GPM6B: variants seen among roughly 807,000 people sequenced by gnomAD.
The protein encoded by GPM6B is neuronal membrane glycoprotein M6-b.
A neutral mutation model predicts 27.2 loss-of-function variants in GPM6B; 4 were observed. That is an observed-to-expected ratio of 0.15 (90% CI 0.07 to 0.34). The LOEUF (loss-of-function observed/expected upper bound fraction) is 0.34. Among genes scored for constraint, GPM6B ranks in the 10% least tolerant of loss-of-function variants. The probability of loss-of-function intolerance (pLI) is 1.00; values close to 1 mark genes in which losing one functional copy is unlikely to be tolerated. For synonymous variants in GPM6B, 124 were observed against 103.1 expected (o/e 1.20, Z -1.23); for missense variants, 183 against 261.9 (o/e 0.70, Z 2.08).
chrX:13,875,588 T>C (rs1427992200), intron 1 of GPM6B, among the ~76,000 whole-genome samples: 3 of 112,045 alleles, frequency 2.7e-5, no homozygotes, highest in Non-Finnish European at 5.6e-5. Context: ...ACAGGAGCAC[T>C]CTTCACAATA....
chrX:13,799,069 C>T lies in GPM6B; in HGVS notation c.181+8581G>A, dbSNP rs984155420. The stretch of plus-strand genomic sequence containing the variant: ...GGCTTCGGAATTTTAAAAGACCTCC[C>T]CTTCCTTCCAGGGTTCTACTGTGAA... On this transcript the variant is annotated intron_variant, in intron 2 of 7. Coordinates refer to ENST00000316715, the MANE Select transcript of GPM6B (RefSeq NM_001001995.3). Among the ~76,000 whole-genome samples, 7 of 111,381 alleles carry T rather than the reference C, an allele frequency of 6.3e-5. No individual in the cohort carries two copies. The East Asian group carries it at 1.9e-3, about 31-fold the overall frequency.
intron 1 of GPM6B, among the ~76,000 whole-genome samples, chrX:13,875,174 T>C (rs973127486): frequency 1.8e-5 from 2 of 111,307 alleles, no homozygotes; most frequent in African/African-American, 6.5e-5. Flanking sequence ...AGTATCCATC[T>C]CCATCCTTGA....
chrX:13,799,822 G>C (rs867847374), intron 2 of GPM6B, among the ~76,000 whole-genome samples: 1 of 111,069 alleles, frequency 9.0e-6, no homozygotes, highest in South Asian at 3.9e-4. Flanking sequence ...GTGAGGCTTT[G>C]AGAAAGTGAA....
chrX:13,890,145 T>C (rs1265997993), intron 1 of GPM6B, among the ~76,000 whole-genome samples: 2 of 111,342 alleles, frequency 1.8e-5, no homozygotes, highest in African/African-American at 6.5e-5. Context: ...AAGACCTTGC[T>C]GATAAAACAG....
chrX:13,793,381 A>G (rs2048750254), intron 2 of GPM6B, among the ~76,000 whole-genome samples: 1 of 111,422 alleles, frequency 9.0e-6, no homozygotes, highest in African/African-American at 3.3e-5. Context: ...AAAAGGTATA[A>G]AAGTAAGCTG....
chrX:13,825,509 AGAG>A (rs1195431822), intron 1 of GPM6B, among the ~76,000 whole-genome samples: 3 of 112,471 alleles, frequency 2.7e-5, no homozygotes, highest in Admixed American at 9.4e-5. Context: ...GCCCTGTCAC[AGAG>A]GAGGAGGGAA....
chrX:13,911,676 T>C (rs1202817054), intron 1 of GPM6B, among the ~76,000 whole-genome samples: 2 of 112,056 alleles, frequency 1.8e-5, no homozygotes, highest in Non-Finnish European at 3.8e-5. Context: ...TCCACGATCA[T>C]GTAACAGCTC....
chrX:13,858,657 A>G lies in GPM6B; in HGVS notation c.-197-72849T>C, dbSNP rs1415854123. ...TTTAAGTATGTATTGTAACTGCCAC[A>G]TCTCTGCTCAAATTATTTCCAGAAA... On this transcript the variant is annotated intron_variant, in intron 1 of 6. Coordinates refer to the GPM6B transcript ENST00000398361. Among the ~76,000 whole-genome samples, 3 of 111,255 alleles carry G rather than the reference A, an allele frequency of 2.7e-5. No homozygotes were observed. In the South Asian group the frequency reaches 1.1e-3, roughly 43 times the overall value.
intron 1 of GPM6B, among the ~76,000 whole-genome samples, chrX:13,879,036 T>G (rs2050068761): frequency 8.9e-6 from 1 of 112,149 alleles, no homozygotes; most frequent in African/African-American, 3.2e-5. Flanking sequence ...TCCAGGACTA[T>G]AACAAATTTG....
intron 1 of GPM6B, chrX:13,938,237 G>A (rs1168579415): frequency 5.1e-5 from 13 of 252,847 alleles, no homozygotes; most frequent in South Asian, 5.2e-4. Context: ...CCAGCTCTTA[G>A]GCTCCCGCGA....
At chrX:13,810,882 G>GA (rs1178018517) in intron 1 of GPM6B, among the ~76,000 whole-genome samples, 1 of 110,843 alleles carries the variant, frequency 9.0e-6, no homozygotes, top group Non-Finnish European at 1.9e-5. Context: ...AGATATGAAA[G>GA]AAAAGAAAAA....
Position 13,771,487 on chromosome X carries a change from T to A in GPM6B, c.*1394A>T, listed in dbSNP as rs1422995403. On this transcript the variant is annotated 3_prime_UTR_variant, in exon 8 of 8. Coordinates refer to ENST00000316715, the MANE Select transcript of GPM6B (RefSeq NM_001001995.3). ...TTGATGTTCAATTTTAATAGCATCT[T>A]GATAAAGGTATGCTTCCTTTCATTT... The A allele has an allele frequency of 8.9e-6, 1 of 112,344 alleles. No homozygotes were observed. The highest frequency in any genetic ancestry group is 3.2e-5 in the African/African-American group (1 of 30,872). 9.3% of individuals were successfully genotyped at this position (112,344 alleles called of 1,213,427 possible). A position where few individuals can be genotyped will look rare whatever the true frequency, so the allele number is the denominator to read the frequency against.
At chrX:13,869,478 T>C (rs1212669824) in intron 1 of GPM6B, among the ~76,000 whole-genome samples, 3 of 110,631 alleles carry the variant, frequency 2.7e-5, no homozygotes, top group Non-Finnish European at 5.7e-5. Context: ...GTGAACCGTA[T>C]GGTATGTAAA....
chrX:13,920,668 G>GA (rs1920961382), intron 1 of GPM6B, among the ~76,000 whole-genome samples: 1 of 111,348 alleles, frequency 9.0e-6, no homozygotes, highest in African/African-American at 3.3e-5. Context: ...GAGGAGGGCA[G>GA]ATCACAAGGT....
At position 13,805,979 on chromosome X, in the gene GPM6B, G is replaced by GT. The variant is rs771722808; in HGVS notation, c.181+1670dup. Among the ~76,000 whole-genome samples, 59 of 108,845 alleles carry GT rather than the reference G, an allele frequency of 5.4e-4. No homozygotes were observed. The South Asian group carries it at 0.012, about 22-fold the overall frequency. 94.5% of individuals were successfully genotyped at this position (108,845 alleles called of 115,157 possible). The stretch of plus-strand genomic sequence containing the variant: ...ACCCTTGAATTATGCACATCTCATG[G>GT]TTTTTTTTGCTGCTTTTTTTTTCAA... On this transcript the variant is annotated intron_variant, in intron 2 of 7. Coordinates refer to ENST00000316715, the MANE Select transcript of GPM6B (RefSeq NM_001001995.3).
intron 1 of GPM6B, among the ~76,000 whole-genome samples, chrX:13,919,063 A>C (rs1347687045): frequency 8.9e-6 from 1 of 111,908 alleles, no homozygotes; most frequent in Admixed American, 9.5e-5. Context: ...TTTTCATCAG[A>C]GAGTTCAAAT....
chrX:13,840,104 C>T (rs1292546292), intron 1 of GPM6B, among the ~76,000 whole-genome samples: 1 of 112,209 alleles, frequency 8.9e-6, no homozygotes, highest in Non-Finnish European at 1.9e-5. Flanking sequence ...AAACAATTGG[C>T]AATGTGGACC....
intron 1 of GPM6B, among the ~76,000 whole-genome samples, chrX:13,905,855 T>C (rs1603127744): frequency 9.3e-6 from 1 of 107,555 alleles, no homozygotes; most frequent in African/African-American, 3.4e-5. Flanking sequence ...GAGCCAGTTA[T>C]ATCCTCCATT....
At chrX:13,866,965 A>G (rs1190310733) in intron 1 of GPM6B, among the ~76,000 whole-genome samples, 1 of 112,178 alleles carries the variant, frequency 8.9e-6, no homozygotes, top group East Asian at 2.8e-4. Context: ...AGAGTCTAGA[A>G]GAGACAATTG....
Sources: allele counts gnomAD v4.1 joint callset (sites outside exome capture counted in the v4.1 genomes callset), GRCh38; gene constraint gnomAD v4.1.1; transcripts MANE v1.5; gene names NCBI Gene and HGNC (gene_info 2026-07-23, HGNC 2026-07-21).